ACADM: variants seen among roughly 807,000 people sequenced by gnomAD.
ACADM encodes the protein acyl-CoA dehydrogenase medium chain.
In ACADM, 49 loss-of-function variants were observed where a neutral mutation model predicts 58.9. That is an observed-to-expected ratio of 0.83 (90% CI 0.66 to 1.06). ACADM has a LOEUF of 1.06. ACADM is among the 50% of genes least tolerant of loss of function. ACADM has a pLI of 0.00. For synonymous variants in ACADM, 160 were observed against 157.7 expected, an observed-to-expected ratio of 1.01 and a Z score of -0.11; for missense variants, 496 against 507.0, an observed-to-expected ratio of 0.98 and a Z score of 0.21.
intron 5 of ACADM, 84 bp downstream of exon 5, chr1:75,733,712 A>C: frequency 8.7e-7 from 1 of 1,149,212 alleles, no homozygotes; most frequent in Non-Finnish European, 1.3e-6. Flanking sequence ...TTTTAGAAGA[A>C]AAAAAAAGGA....
intron 7 of ACADM, among the ~76,000 whole-genome samples, chr1:75,745,087 T>G (rs1333884229): frequency 6.6e-6 from 1 of 152,226 alleles, no homozygotes; most frequent in Non-Finnish European, 1.5e-5. Context: ...CTATGTTTTT[T>G]TCCTACACAT....
intron 10 of ACADM, among the ~76,000 whole-genome samples, chr1:75,758,010 G>A (rs983814244): frequency 2.0e-5 from 3 of 152,118 alleles, no homozygotes; most frequent in Non-Finnish European, 2.9e-5. Flanking sequence ...AGAACTCAGG[G>A]AAACACATTT....
chr1:75,742,380 T>G (rs1647624836), intron 7 of ACADM, among the ~76,000 whole-genome samples: 1 of 152,140 alleles, frequency 6.6e-6, no homozygotes, highest in Non-Finnish European at 1.5e-5. Context: ...TCAGGGTGGT[T>G]TCCTACCCCA....
intron 10 of ACADM, among the ~76,000 whole-genome samples, chr1:75,751,069 C>T (rs547852268): frequency 4.7e-5 from 7 of 149,194 alleles, no homozygotes; most frequent in Admixed American, 2.7e-4. Context: ...TAGCCGGGCG[C>T]GGTGGATCAC....
At chr1:75,744,983 A>C (rs531061452) in intron 7 of ACADM, among the ~76,000 whole-genome samples, 119 of 152,324 alleles carry the variant, frequency 7.8e-4, no homozygotes, top group African/African-American at 2.7e-3. Context: ...AGAAAGTTAA[A>C]TAGCATACTA....
chr1:75,732,091 A>G (rs1647157630), intron 2 of ACADM, among the ~76,000 whole-genome samples: 1 of 152,094 alleles, frequency 6.6e-6, no homozygotes, highest in South Asian at 2.1e-4. Flanking sequence ...GGTCGAGGCT[A>G]CAGTGAGTCG....
At chr1:75,761,533 T>A in intron 11 of ACADM, 163 bp downstream of exon 11, 1 of 736,080 alleles carries the variant, frequency 1.4e-6, no homozygotes, top group Non-Finnish European at 2.3e-6. Flanking sequence ...GAAAGAAGAA[T>A]GTTATTTGTG....
intron 10 of ACADM, among the ~76,000 whole-genome samples, chr1:75,757,661 A>G (rs941126375): frequency 1.3e-5 from 2 of 152,210 alleles, no homozygotes. Context: ...TTTCTCAAGG[A>G]TCTAGAACTA....
At chr1:75,743,562 T>C (rs1647705115) in intron 7 of ACADM, 1 of 1,593,728 alleles carries the variant, frequency 6.3e-7, no homozygotes. Context: ...CCTTGCCTCC[T>C]ATAGCCACTG....
intron 10 of ACADM, among the ~76,000 whole-genome samples, chr1:75,752,558 C>CT (rs1290781362): frequency 6.6e-6 from 1 of 152,280 alleles, no homozygotes; most frequent in African/African-American, 2.4e-5. Context: ...TTCTAGTTCT[C>CT]TTATCTTGTG....
At chr1:75,737,282 A>ATG (rs1647308717) in intron 6 of ACADM, among the ~76,000 whole-genome samples, 1 of 13,602 alleles carries the variant, frequency 7.4e-5, no homozygotes, top group Non-Finnish European at 1.3e-4. Context: ...ACACACAAAT[A>ATG]TATATATATA....
rs973624030 is a variant in ACADM at position 75,724,718 on chromosome 1, C to A, written c.-70C>A. 2.6e-6 allele frequency: 4 copies of A among 1,531,100 alleles called. No homozygotes were observed. The African/African-American group carries it at 4.3e-5, about 16-fold the overall frequency. 94.8% of individuals were successfully genotyped at this position (1,531,100 alleles called of 1,614,324 possible). A position where few individuals can be genotyped will look rare whatever the true frequency, so the allele number is the denominator to read the frequency against. On this transcript the variant is annotated 5_prime_UTR_variant, in exon 1 of 12. Coordinates refer to ENST00000370841, the MANE Select transcript of ACADM (RefSeq NM_000016.6). ...TCCAGTGGGCGGGACCAGAGGAGTC[C>A]CGCGTTCGGGGAGTATGTCAAGGCC...
chr1:75,742,174 C>T (rs1232759147), intron 7 of ACADM, among the ~76,000 whole-genome samples: 2 of 146,184 alleles, frequency 1.4e-5, no homozygotes, highest in Non-Finnish European at 1.5e-5. Flanking sequence ...CCAGGCCTCA[C>T]TTCTTGGCTC....
At chr1:75,738,642 G>A (rs1157058733) in intron 6 of ACADM, among the ~76,000 whole-genome samples, 2 of 151,562 alleles carry the variant, frequency 1.3e-5, no homozygotes, top group Admixed American at 6.6e-5. Context: ...ATGGGTTCTC[G>A]GCATGTTGAC....
intron 10 of ACADM, 33 bp from the exon 11 acceptor site, chr1:75,761,089 A>T (rs201340300): frequency 1.9e-6 from 3 of 1,595,644 alleles, no homozygotes; most frequent in Non-Finnish European, 2.6e-6. Flanking sequence ...TTTCTCAATA[A>T]ATATCCTTTA....
At chr1:75,734,470 C>T (rs533611388) in intron 5 of ACADM, among the ~76,000 whole-genome samples, 8 of 152,056 alleles carry the variant, frequency 5.3e-5, no homozygotes, top group South Asian at 4.2e-4. Context: ...CCACTGCGCC[C>T]GGCCTAACAA....
In ACADM at chr1:75,762,718, AAGACTTATTGT is replaced by A. The variant is rs1294362751; in HGVS notation, c.1224_1234del (p.Arg408SerfsTer3). 1.2e-6 allele frequency: 2 copies of A among 1,608,192 alleles called. No homozygotes were observed. Among genetic ancestry groups the A allele is most frequent in the Non-Finnish European group, 1.7e-6 (2 of 1,175,036 alleles). On this transcript the variant is annotated frameshift_variant, in exon 12 of 12. Coordinates refer to ENST00000370841, the MANE Select transcript of ACADM (RefSeq NM_000016.6). LOFTEE classifies it high-confidence loss of function. ...TTTATGAAGGTACTTCACAAATTCA[AAGACTTATTGT>A]AGCCCGTGAACACATTGACAAGTAC...
At chr1:75,750,355 T>C in intron 9 of ACADM, 96 bp from the exon 10 acceptor site, 7 of 1,024,312 alleles carry the variant, frequency 6.8e-6, no homozygotes, top group Middle Eastern at 3.0e-4. Flanking sequence ...GTACATCACC[T>C]TCTCTTTGTA....
intron 7 of ACADM, chr1:75,745,511 T>G (rs1190393140): frequency 3.6e-6 from 1 of 279,266 alleles, no homozygotes; most frequent in African/African-American, 2.9e-5. Flanking sequence ...GTAAATGTCC[T>G]CTTTGTCTTT....
Sources: gnomAD v4.1 joint callset for allele counts (sites outside exome capture counted in the v4.1 genomes callset) on GRCh38, gnomAD v4.1.1 for gene constraint, MANE v1.5 for transcripts, NCBI Gene and HGNC (gene_info 2026-07-23, HGNC 2026-07-21) for gene names.